Variants in ATP4B observed in about 807,000 individuals in gnomAD.
The protein encoded by ATP4B is potassium-transporting ATPase subunit beta.
Under a neutral mutation model 35.3 loss-of-function variants are expected in ATP4B, and 27 were observed. The ratio of observed to expected loss-of-function variants is 0.76; its 90% CI spans 0.56 to 1.05. The LOEUF (loss-of-function observed/expected upper bound fraction) is 1.05. Ranked by LOEUF, ATP4B falls within the 50% of genes least tolerant of loss-of-function variation. ATP4B has a pLI of 0.00. For synonymous variants in ATP4B, 162 were observed against 156.0 expected (o/e 1.04, Z -0.29); for missense variants, 375 against 384.8 (o/e 0.97, Z 0.21).
At position 113,657,688 on chromosome 13, in the gene ATP4B, G is replaced by GTT. The variant is rs201432169; in HGVS notation, c.112+343_112+344dup. ...GAATCTGTGTGACCAAGGAATCACC[G>GTT]TTGCCACCTTTCACGTTATTTTCAA... On this transcript the variant is annotated intron_variant, in intron 1 of 6. Transcript: ENST00000335288. 9.2e-3 allele frequency among the ~76,000 whole-genome samples: 1,407 copies of GTT among 152,358 alleles called. 25 individuals carry two copies. Among genetic ancestry groups the GTT allele is most frequent in the African/African-American group, 0.032 (1,324 of 41,576 alleles).
chr13:113,654,100 T>C (rs1385184890), intron 2 of ATP4B, among the ~76,000 whole-genome samples: 3 of 152,238 alleles, frequency 2.0e-5, no homozygotes, highest in Non-Finnish European at 4.4e-5. Flanking sequence ...CCTCATTCTT[T>C]CCATAAATGT....
intron 4 of ATP4B, among the ~76,000 whole-genome samples, chr13:113,652,120 C>G (rs889387243): frequency 6.6e-6 from 1 of 152,218 alleles, no homozygotes; most frequent in African/African-American, 2.4e-5. Flanking sequence ...CTGGCCCACC[C>G]GGGCCTTCAG....
Position 113,648,977 on chromosome 13 carries a change from T to C in ATP4B, c.*397A>G, listed in dbSNP as rs1423115012. 1.3e-5 allele frequency: 2 copies of C among 158,646 alleles called. No individual in the cohort carries two copies. The highest frequency in any genetic ancestry group is 4.9e-5 in the African/African-American group (2 of 40,874). 9.8% of individuals were successfully genotyped at this position (158,646 alleles called of 1,614,324 possible). ...TAGTGTAAGCCGTGTTTCATATCAG[T>C]GCATTAGTAGTTTTTATATTAATGT... On this transcript the variant is annotated 3_prime_UTR_variant, in exon 7 of 7. Coordinates refer to ENST00000335288, the MANE Select transcript of ATP4B (RefSeq NM_000705.4).
intron 1 of ATP4B, among the ~76,000 whole-genome samples, 160 bp from the exon 2 acceptor site, chr13:113,655,102 C>T (rs1319333143): frequency 6.6e-6 from 1 of 152,208 alleles, no homozygotes; most frequent in Non-Finnish European, 1.5e-5. Flanking sequence ...CACAAACAGT[C>T]ACTACAATCC....
Position 113,650,375 on chromosome 13 carries a change from G to A in ATP4B, c.714+31C>T, listed in dbSNP as rs1277095451. 8.8e-6 allele frequency: 14 copies of A among 1,587,956 alleles called. No individual in the cohort carries two copies. Among genetic ancestry groups the A allele is most frequent in the Non-Finnish European group, 1.2e-5 (14 of 1,156,742 alleles). ...AAGTGTGAGAGGACTCAGCAGCTGT[G>A]GTGAGGGAAGCGTGGAAGGAAGGAA... On this transcript the variant is annotated intron_variant, in intron 6 of 6. Transcript: ENST00000335288. This position sits in a 1 kb window ranked among gnomAD's most constrained non-coding sequence, Gnocchi z 5.0.
rs1003918416 is a variant in ATP4B, at chr13:113,649,415, A to C, written c.835T>G (p.Tyr279Asp). 6.9e-6 allele frequency: 11 copies of C among 1,590,656 alleles called. No homozygotes were observed. In the African/African-American group the frequency reaches 1.3e-4, roughly 19 times the overall value. Residue 279 changes from tyrosine to aspartate, a missense_variant, in exon 7 of 7, where the codon TAT (tyrosine) becomes GAT (aspartate). Coordinates refer to ENST00000335288, the MANE Select transcript of ATP4B (RefSeq NM_000705.4). This position sits in a 1 kb window ranked among gnomAD's most constrained non-coding sequence, Gnocchi z 4.7. Reference sequence around the variant, plus strand: ...AGTTTGAACTCCACTTTCCCTTCATACGGGTCGTGGGGATTGTTGAAGGTC... The same window carrying C: ...AGTTTGAACTCCACTTTCCCTTCATCCGGGTCGTGGGGATTGTTGAAGGTC... ...HVTFNNPHDP[Y>D]EGKVEFKLKI...
At position 113,655,063 on chromosome 13, in the gene ATP4B, C is replaced by T. The variant is rs1207340820; in HGVS notation, c.113-121G>A. ...CTTCCCTACCTAGTTCCAGAACATTCTCCTCCCCCAAAACAGAAACCCCGT... is the reference window on the plus strand; with the variant it reads ...CTTCCCTACCTAGTTCCAGAACATTTTCCTCCCCCAAAACAGAAACCCCGT... On this transcript the variant is annotated intron_variant, in intron 1 of 6. Coordinates refer to ENST00000335288, the MANE Select transcript of ATP4B (RefSeq NM_000705.4). 5.9e-6 allele frequency: 8 copies of T among 1,353,774 alleles called. No homozygotes were observed. The East Asian group carries it at 1.7e-4, about 29-fold the overall frequency. 83.9% of individuals were successfully genotyped at this position (1,353,774 alleles called of 1,614,324 possible).
In ATP4B at chr13:113,650,577, G is replaced by T; in HGVS notation, c.613-70C>A. On this transcript the variant is annotated intron_variant, in intron 5 of 6. Coordinates refer to ENST00000335288, the MANE Select transcript of ATP4B (RefSeq NM_000705.4). This position sits in a 1 kb window ranked among gnomAD's most constrained non-coding sequence, Gnocchi z 5.0. ...GTGCCGGTGTCTGTGTGTTGCGTTT[G>T]TGTGCGTGTGTGCACACACGCGCTG... 1 of 1,236,796 alleles carries T rather than the reference G, an allele frequency of 8.1e-7. No individual in the cohort carries two copies. Among genetic ancestry groups the T allele is most frequent in the East Asian group, 2.3e-5 (1 of 42,964 alleles). 76.6% of individuals were successfully genotyped at this position (1,236,796 alleles called of 1,614,324 possible).
chr13:113,652,020 C>T (rs1374130269), intron 4 of ATP4B, among the ~76,000 whole-genome samples: 1 of 152,188 alleles, frequency 6.6e-6, no homozygotes, highest in Non-Finnish European at 1.5e-5. Flanking sequence ...GGTCTTAGCC[C>T]TCGAACCATG....
chr13:113,655,790 C>G (rs1231691821), intron 1 of ATP4B, among the ~76,000 whole-genome samples: 1 of 152,232 alleles, frequency 6.6e-6, no homozygotes, highest in Non-Finnish European at 1.5e-5. Flanking sequence ...GGCATGGATT[C>G]TGCTTAGTGA....
Position 113,650,538 on chromosome 13 carries a change from G to A in ATP4B, c.613-31C>T. ...GAGGAGAGGCCACTGCCTGAGTCAG[G>A]CGGGAGCTGGTGTGTGCCGGTGTCT... is the stretch of plus-strand genomic sequence containing the variant. On this transcript the variant is annotated intron_variant, in intron 5 of 6. Coordinates refer to ENST00000335288, the MANE Select transcript of ATP4B (RefSeq NM_000705.4). This position sits in a 1 kb window ranked among gnomAD's most constrained non-coding sequence, Gnocchi z 5.0. The A allele has an allele frequency of 6.3e-7, 1 of 1,580,292 alleles. No homozygotes were observed. The highest frequency in any genetic ancestry group is 8.6e-7 in the Non-Finnish European group (1 of 1,157,086).
Position 113,650,575 on chromosome 13 carries a change from TTGTG to T in ATP4B, c.613-72_613-69del, listed in dbSNP as rs1489431157. On this transcript the variant is annotated intron_variant, in intron 5 of 6. Coordinates refer to ENST00000335288, the MANE Select transcript of ATP4B (RefSeq NM_000705.4). This position sits in a 1 kb window ranked among gnomAD's most constrained non-coding sequence, Gnocchi z 5.0. ...GTGTGCCGGTGTCTGTGTGTTGCGT[TTGTG>T]TGCGTGTGTGCACACACGCGCTGTG... is the stretch of plus-strand genomic sequence containing the variant. 7.6e-6 allele frequency: 10 copies of T among 1,312,928 alleles called. No homozygotes were observed. Among genetic ancestry groups the T allele is most frequent in the Non-Finnish European group, 1.1e-5 (10 of 937,070 alleles). The allele number at this position is 1,312,928 out of a possible 1,614,324, so 81.3% of individuals were successfully genotyped here.
intron 3 of ATP4B, 75 bp from the exon 4 acceptor site, chr13:113,653,147 A>G: frequency 6.5e-7 from 1 of 1,529,372 alleles, no homozygotes; most frequent in African/African-American, 1.4e-5. Flanking sequence ...AAGGCCTTGC[A>G]AGCCCTGAGT....
Position 113,649,510 on chromosome 13 carries a change from G to A in ATP4B, c.740C>T (p.Ala247Val). 6.5e-7 allele frequency: 1 copy of A among 1,539,754 alleles called. No homozygotes were observed. The highest frequency in any genetic ancestry group is 8.8e-7 in the Non-Finnish European group (1 of 1,138,470). ...CCTGGGGATGTTGAGGAGCTTCGCT[G>A]CCACCAGGGGGTTGCTGTAGTGGGG... ...AQPHYSNPLV[A>V]AKLLNIPRNA... The change falls in exon 7 of 7, where the codon GCA becomes GTA. Residue 247 changes from alanine (A) to valine (V), a missense_variant. Ala to Val is a moderately conservative substitution (Grantham distance 64, BLOSUM62 0). Coordinates refer to ENST00000335288, the MANE Select transcript of ATP4B (RefSeq NM_000705.4). This position sits in a 1 kb window ranked among gnomAD's most constrained non-coding sequence, Gnocchi z 4.7.
rs1428198606 is a variant in ATP4B at position 113,653,215 on chromosome 13, T to C, written c.355+106A>G. On this transcript the variant is annotated intron_variant, in intron 3 of 6. Coordinates refer to ENST00000335288, the MANE Select transcript of ATP4B (RefSeq NM_000705.4). ...CTGTGGAGCCGTTTCACACCTCACC[T>C]GCTGCTTCACACCTCACCCACCCGC... 9 of 1,378,508 alleles carry C rather than the reference T, an allele frequency of 6.5e-6. No individual in the cohort carries two copies. The Admixed American group carries it at 1.8e-4, about 27-fold the overall frequency. The allele number at this position is 1,378,508 out of a possible 1,614,324, so 85.4% of individuals were successfully genotyped here. A position where few individuals can be genotyped will look rare whatever the true frequency, so the allele number is the denominator to read the frequency against.
rs142885298 is a variant in ATP4B at position 113,654,922 on chromosome 13, C to T, written c.133G>A (p.Val45Met). The T allele has an allele frequency of 2.8e-3, 4,487 of 1,614,206 alleles. 53 individuals carry two copies. The highest frequency in any genetic ancestry group is 0.021 in the South Asian group (1,928 of 91,066). Residue 45 changes from valine to methionine, a missense_variant, in exon 2 of 7, where the codon GTG becomes ATG. Val to Met is a conservative substitution (Grantham distance 21, BLOSUM62 1). Coordinates refer to ENST00000335288, the MANE Select transcript of ATP4B (RefSeq NM_000705.4). Reference protein sequence around the residue: ...SRWVWISLYYVAFYVVMTGLF... With the variant: ...SRWVWISLYYMAFYVVMTGLF... Reference sequence around the variant, plus strand: ...CCAGTCATCACCACGTAGAAGGCCACGTAGTACAGGCTGATCCACACTGCG... The same window carrying T: ...CCAGTCATCACCACGTAGAAGGCCATGTAGTACAGGCTGATCCACACTGCG...
rs2049702075 is a variant in ATP4B at position 113,650,340 on chromosome 13, T to G, written c.714+66A>C. ...TTCTACATGAAGGGGCTTATTGCTT[T>G]CCTTTCGCTAAGTGTGAGAGGACTC... is the stretch of plus-strand genomic sequence containing the variant. On this transcript the variant is annotated intron_variant, in intron 6 of 6. Coordinates refer to ENST00000335288, the MANE Select transcript of ATP4B (RefSeq NM_000705.4). The surrounding 1 kb of genome is among the most constrained non-coding windows in gnomAD (Gnocchi z 5.0). 4 of 1,473,068 alleles carry G rather than the reference T, an allele frequency of 2.7e-6. No individual in the cohort carries two copies. Among genetic ancestry groups the G allele is most frequent in the Non-Finnish European group, 9.5e-7 (1 of 1,054,588 alleles). 91.2% of individuals were successfully genotyped at this position (1,473,068 alleles called of 1,614,324 possible). A position where few individuals can be genotyped will look rare whatever the true frequency, so the allele number is the denominator to read the frequency against.
At chr13:113,657,954 T>C in intron 1 of ATP4B, 79 bp downstream of exon 1, 1 of 1,225,648 alleles carries the variant, frequency 8.2e-7, no homozygotes, top group Non-Finnish European at 1.1e-6. Flanking sequence ...TCTGCTCCCC[T>C]CCTCCTGAGC....
Position 113,649,143 on chromosome 13 carries a change from T to C in ATP4B, c.*231A>G, listed in dbSNP as rs974310570. The C allele has an allele frequency of 9.8e-6, 4 of 406,432 alleles. No homozygotes were observed. The highest frequency in any genetic ancestry group is 3.7e-5 in the South Asian group (1 of 26,892). The allele number at this position is 406,432 out of a possible 1,614,324, so 25.2% of individuals were successfully genotyped here. A position where few individuals can be genotyped will look rare whatever the true frequency, so the allele number is the denominator to read the frequency against. ...TTCCCATGGTAGCTGGACATTCTTA[T>C]AGCAGCAAATTCCATCTAAAAACTG... On this transcript the variant is annotated 3_prime_UTR_variant, in exon 7 of 7. Coordinates refer to ENST00000335288, the MANE Select transcript of ATP4B (RefSeq NM_000705.4). The surrounding 1 kb of genome is among the most constrained non-coding windows in gnomAD (Gnocchi z 4.7).
Sources: gnomAD v4.1 joint callset for allele counts (sites outside exome capture counted in the v4.1 genomes callset) on GRCh38, gnomAD v4.1.1 for gene constraint, Gnocchi (gnomAD v3.1) non-coding constraint, MANE v1.5 for transcripts, NCBI Gene and HGNC (gene_info 2026-07-23, HGNC 2026-07-21) for gene names.